CSMD1: variants seen among roughly 807,000 people sequenced by gnomAD.
CSMD1 encodes the protein CUB and Sushi multiple domains 1.
Under a neutral mutation model 417.5 loss-of-function variants are expected in CSMD1, and 213 were observed. The ratio of observed to expected loss-of-function variants is 0.51; its 90% confidence interval spans 0.46 to 0.57. The LOEUF is 0.57. CSMD1 is among the 20% of genes least tolerant of loss of function. The pLI is 0.00. For missense variants in CSMD1, 6,923 were observed against 4,529.7 expected (o/e 1.53, Z -15.17); for synonymous variants, 2,862 against 1,736.8 (o/e 1.65, Z -16.11).
chr8:4,440,864 G>A (rs890736083), intron 2 of CSMD1, among the ~76,000 whole-genome samples: 2 of 151,556 alleles, frequency 1.3e-5, no homozygotes, highest in Non-Finnish European at 2.9e-5. Flanking sequence ...GGGAGTGGGG[G>A]TGAATGCCTA....
chr8:4,372,953 T>G (rs1802486529), intron 3 of CSMD1, among the ~76,000 whole-genome samples: 1 of 152,028 alleles, frequency 6.6e-6, no homozygotes, highest in African/African-American at 2.4e-5. Flanking sequence ...TTCCGAAGAG[T>G]GCAGTGTGGC....
intron 3 of CSMD1, among the ~76,000 whole-genome samples, chr8:4,320,964 G>C (rs1026559320): frequency 1.3e-5 from 2 of 152,032 alleles, no homozygotes; most frequent in African/African-American, 4.8e-5. Flanking sequence ...ACTCTGCCAG[G>C]TCCAGTTTCA....
chr8:3,854,695 T>G (rs1384256387), intron 5 of CSMD1, among the ~76,000 whole-genome samples: 1 of 147,562 alleles, frequency 6.8e-6, no homozygotes, highest in Non-Finnish European at 1.5e-5. Flanking sequence ...GAGAAGGGAG[T>G]CGGGAAGATG....
At chr8:4,115,697 G>A (rs75088113) in intron 3 of CSMD1, among the ~76,000 whole-genome samples, 2 of 152,156 alleles carry the variant, frequency 1.3e-5, no homozygotes, top group African/African-American at 2.4e-5. Context: ...TGCCCTGTAA[G>A]AGGTGAGTGA....
chr8:4,670,693 G>A (rs1805240099), intron 1 of CSMD1, among the ~76,000 whole-genome samples: 3 of 152,152 alleles, frequency 2.0e-5, no homozygotes, highest in African/African-American at 4.8e-5. Flanking sequence ...GGTTTGATAG[G>A]ATTCACGTCT....
At chr8:3,400,940 G>A (rs1812003207) in intron 15 of CSMD1, among the ~76,000 whole-genome samples, 1 of 65,708 alleles carries the variant, frequency 1.5e-5, no homozygotes, top group Admixed American at 2.3e-4. Context: ...GATTTTTTGT[G>A]ATAATTTTTA....
intron 5 of CSMD1, among the ~76,000 whole-genome samples, chr8:3,997,203 C>A (rs1448873718): frequency 6.6e-6 from 1 of 152,164 alleles, no homozygotes. Context: ...GAAATTAAGG[C>A]CTTAAACATC....
chr8:3,484,882 T>A (rs1279457360), intron 11 of CSMD1, among the ~76,000 whole-genome samples: 2 of 152,166 alleles, frequency 1.3e-5, no homozygotes, highest in Non-Finnish European at 2.9e-5. Flanking sequence ...GAGGTGTCAT[T>A]ACACAACTTT....
rs1161625328 is a variant in CSMD1, at chr8:3,414,212, C to CAAAAAAAAAAAAAA, written c.1562-4621_1562-4608dup. Among the ~76,000 whole-genome samples, 32 of 49,748 alleles carry CAAAAAAAAAAAAAA rather than the reference C, an allele frequency of 6.4e-4. 6 individuals are homozygous for CAAAAAAAAAAAAAA. Among genetic ancestry groups the CAAAAAAAAAAAAAA allele is most frequent in the Non-Finnish European group, 8.1e-4 (23 of 28,294 alleles). The allele number at this position is 49,748 out of a possible 152,430, so 32.6% of individuals were successfully genotyped here. Reference sequence around the variant, plus strand: ...AATTCAAAGACTGATGCACCTAAAGCAAAAAAAAAAAAAAAAAAAAAAAAA... The same window carrying CAAAAAAAAAAAAAA: ...AATTCAAAGACTGATGCACCTAAAGCAAAAAAAAAAAAAAAAAAAAAAAAAAAAAAAAAAAAAAA... On this transcript the variant is annotated intron_variant, in intron 12 of 69. Coordinates refer to ENST00000635120, the MANE Select transcript of CSMD1 (RefSeq NM_033225.6).
At chr8:4,201,597 A>T (rs890541689) in intron 3 of CSMD1, among the ~76,000 whole-genome samples, 11 of 151,402 alleles carry the variant, frequency 7.3e-5, no homozygotes, top group African/African-American at 1.5e-4. Flanking sequence ...ATATGCAACA[A>T]CTGTAGAAGA....
chr8:4,449,977 C>T (rs550193822), intron 2 of CSMD1, among the ~76,000 whole-genome samples: 1 of 152,286 alleles, frequency 6.6e-6, no homozygotes, highest in East Asian at 1.9e-4. Flanking sequence ...CACATTCTGC[C>T]TTTCACTGGC....
intron 37 of CSMD1, among the ~76,000 whole-genome samples, chr8:3,179,401 C>G (rs1454183248): frequency 6.6e-6 from 1 of 151,928 alleles, no homozygotes; most frequent in African/African-American, 2.4e-5. Flanking sequence ...TATGTTTAGC[C>G]CAATTAAAAA....
At chr8:3,254,603 C>A (rs1035871294) in intron 26 of CSMD1, among the ~76,000 whole-genome samples, 1 of 152,292 alleles carries the variant, frequency 6.6e-6, no homozygotes, top group East Asian at 1.9e-4. Context: ...CTTCTCTTCT[C>A]ACTTCATTTC....
At chr8:3,455,197 C>G (rs955294084) in intron 12 of CSMD1, among the ~76,000 whole-genome samples, 1 of 152,112 alleles carries the variant, frequency 6.6e-6, no homozygotes, top group Non-Finnish European at 1.5e-5. Flanking sequence ...ATTGGTTATT[C>G]TAGTTAGCCA....
intron 1 of CSMD1, among the ~76,000 whole-genome samples, chr8:4,723,739 A>T (rs755770867): frequency 2.0e-5 from 3 of 149,226 alleles, no homozygotes; most frequent in Non-Finnish European, 4.4e-5. Flanking sequence ...AGGAATTTTC[A>T]TATGTGCTGT....
At chr8:4,372,650 CACAA>C (rs1802465384) in intron 3 of CSMD1, among the ~76,000 whole-genome samples, 1 of 135,124 alleles carries the variant, frequency 7.4e-6, no homozygotes, top group South Asian at 2.4e-4. Flanking sequence ...AAAAAAAAAT[CACAA>C]ACAAAAAGCC....
At chr8:4,778,789 C>G (rs561471900) in intron 1 of CSMD1, among the ~76,000 whole-genome samples, 73 of 152,322 alleles carry the variant, frequency 4.8e-4, no homozygotes, top group Non-Finnish European at 3.8e-4. Context: ...ATAACATACA[C>G]TTCATTAGGG....
chr8:3,722,849 T>C (rs1802266906), intron 6 of CSMD1, among the ~76,000 whole-genome samples: 2 of 152,196 alleles, frequency 1.3e-5, no homozygotes, highest in African/African-American at 4.8e-5. Context: ...GATTCCCCGA[T>C]TTCAGGGATG....
At chr8:3,117,651 A>G (rs1158505986) in intron 42 of CSMD1, among the ~76,000 whole-genome samples, 3 of 152,212 alleles carry the variant, frequency 2.0e-5, no homozygotes, top group African/African-American at 7.2e-5. Context: ...ATATTGAAAA[A>G]ATGTCAAAGT....
Sources: allele counts gnomAD v4.1 joint callset (sites outside exome capture counted in the v4.1 genomes callset), GRCh38; gene constraint gnomAD v4.1.1; transcripts MANE v1.5; gene names NCBI Gene and HGNC (gene_info 2026-07-23, HGNC 2026-07-21).